PARP10: variants seen among roughly 807,000 people sequenced by gnomAD.
The protein encoded by PARP10 is protein mono-ADP-ribosyltransferase PARP10.
PARP10 carries 56 observed loss-of-function variants against 82.4 expected under a neutral mutation model. The observed-to-expected ratio is 0.68, with a 90% confidence interval of 0.55 to 0.85. PARP10 has a LOEUF of 0.85. Among genes scored for constraint, PARP10 ranks in the 40% least tolerant of loss-of-function variants. The pLI is 0.00. For missense variants in PARP10, 1,227 were observed against 1,379.4 expected, an observed-to-expected ratio of 0.89 and a Z score of 1.75; for synonymous variants, 576 against 601.1, an observed-to-expected ratio of 0.96 and a Z score of 0.61.
chr8:143,990,398 G>A (rs1341325773), upstream of PARP10: 1 of 151,550 alleles, frequency 6.6e-6, no homozygotes. The surrounding 1 kb of genome is among the most constrained non-coding windows in gnomAD (Gnocchi z 5.6). Flanking sequence ...CGGCGGCCTG[G>A]AGCCGGAGGG....
chr8:144,001,789 A>G (rs1403548260), intron 1 of PARP10, among the ~76,000 whole-genome samples: 5 of 152,048 alleles, frequency 3.3e-5, no homozygotes, highest in African/African-American at 1.2e-4. Flanking sequence ...TGTAATTCCA[A>G]CAGTTTGTCA....
At position 143,985,661 on chromosome 8, in the gene PARP10, T is replaced by C. The variant is rs782672039; in HGVS notation, c.437-13A>G. The C allele has an allele frequency of 7.5e-6, 12 of 1,609,868 alleles. No homozygotes were observed. Among genetic ancestry groups the C allele is most frequent in the African/African-American group, 2.7e-5 (2 of 74,752 alleles). ...AGGACACGGACATCTGTGGGGTATGTGCAGGTCAGCTCAGGGAATCCCCCC... is the reference window on the plus strand; with the variant it reads ...AGGACACGGACATCTGTGGGGTATGCGCAGGTCAGCTCAGGGAATCCCCCC... On this transcript the variant is annotated splice_polypyrimidine_tract_variant and intron_variant, in intron 3 of 10. Transcript: ENST00000313028.
rs1564244662 is a variant in PARP10, at chr8:143,977,488, GTGTC to G, written c.3070_3073del (p.Asp1024LeufsTer21). On this transcript the variant is annotated frameshift_variant, in exon 11 of 11. Coordinates refer to ENST00000313028, the MANE Select transcript of PARP10 (RefSeq NM_032789.5). LOFTEE classifies it high-confidence loss of function. ...GCCAGAGGGTGGCCCCTTCGGTTAAGTGTCTGGGGAGCGGCCCGGGAGCCCAGAG... is the reference window on the plus strand; with the variant it reads ...GCCAGAGGGTGGCCCCTTCGGTTAAGTGGGGAGCGGCCCGGGAGCCCAGAG... 3 of 1,546,792 alleles carry G rather than the reference GTGTC, an allele frequency of 1.9e-6. No individual in the cohort carries two copies. The highest frequency in any genetic ancestry group is 4.9e-5 in the East Asian group (2 of 41,098).
At position 143,997,423 on chromosome 8, in the gene PARP10, A is replaced by C. The variant is rs1834171401; in HGVS notation, c.-79-10985T>G. On this transcript the variant is annotated intron_variant, in intron 1 of 3. Transcript: ENST00000530478. ...TGGGAGGACTCGAGTACCAAGCTCA[A>C]AATCTTCCTCTCTAACCCAAATGCT... Among the ~76,000 whole-genome samples, 16 of 152,094 alleles carry C rather than the reference A, an allele frequency of 1.1e-4. 1 individual carries two copies. The highest frequency in any genetic ancestry group is 1.0e-3 in the Admixed American group (16 of 15,260).
chr8:144,005,791 G>A (rs1051145451), intron 1 of PARP10, among the ~76,000 whole-genome samples: 1 of 151,922 alleles, frequency 6.6e-6, no homozygotes, highest in Non-Finnish European at 1.5e-5. Context: ...TTTCTTTCAG[G>A]TCTGCTCCCA....
At chr8:143,994,763 G>T (rs78799994), upstream of PARP10, among the ~76,000 whole-genome samples, 26,399 of 151,988 alleles carry the variant, frequency 0.17, 2,468 homozygotes, top group South Asian at 0.22. Context: ...GGGCCACACG[G>T]CTCCCCCTTC....
At position 143,984,039 on chromosome 8, in the gene PARP10, A is replaced by G; in HGVS notation, c.1746T>C (p.Ser582=). 3 of 1,534,300 alleles carry G rather than the reference A, an allele frequency of 2.0e-6. No homozygotes were observed. Among genetic ancestry groups the G allele is most frequent in the Non-Finnish European group, 2.6e-6 (3 of 1,142,090 alleles). The change falls in exon 7 of 11, where the codon AGT becomes AGC. Residue 582 remains serine (S), a synonymous_variant. Transcript: ENST00000313028. ...TCACGTCCTCCTGGTCACCACCTGT[A>G]CTGTCTGGGGTCCACAGGGTGTGGG... ...GNAHTLWTPD[S]TGGDQEDVSL... is the part of the protein sequence containing the mutation.
rs920796652 is a variant in PARP10, at chr8:143,977,200, A to G, written c.*284T>C. 15 of 465,566 alleles carry G rather than the reference A, an allele frequency of 3.2e-5. No homozygotes were observed. Among genetic ancestry groups the G allele is most frequent in the African/African-American group, 6.2e-5 (3 of 48,360 alleles). The allele number at this position is 465,566 out of a possible 1,614,324, so 28.8% of individuals were successfully genotyped here. ...CCTGGGTTCACGTTCACGTTTATTC[A>G]AACAACAGAGCCGACTCGGGCGAGG... On this transcript the variant is annotated 3_prime_UTR_variant, in exon 11 of 11. Coordinates refer to ENST00000313028, the MANE Select transcript of PARP10 (RefSeq NM_032789.5).
chr8:143,978,209 G>GC (rs1248370890), intron 9 of PARP10, 128 bp from the exon 10 acceptor site: 17 of 1,067,386 alleles, frequency 1.6e-5, no homozygotes, highest in African/African-American at 3.3e-5. Flanking sequence ...AGCCCTTGCA[G>GC]CCCCCATCAT....
At chr8:144,002,012 G>A (rs1449435803) in intron 1 of PARP10, among the ~76,000 whole-genome samples, 2 of 151,866 alleles carry the variant, frequency 1.3e-5, no homozygotes, top group Admixed American at 6.6e-5. Flanking sequence ...ACAATAAAGT[G>A]CCTGGGATTT....
At chr8:143,979,949 T>G (rs1411213909) in intron 9 of PARP10, among the ~76,000 whole-genome samples, 4 of 144,298 alleles carry the variant, frequency 2.8e-5, no homozygotes, top group African/African-American at 1.1e-4. Context: ...GAGGCGGAGC[T>G]TGCAGTGAGC....
At chr8:143,991,218 G>A (rs782584550), upstream of PARP10, 12 of 1,567,716 alleles carry the variant, frequency 7.7e-6, no homozygotes, top group East Asian at 2.4e-5. Context: ...CGCGGAACCC[G>A]AGGCCATGTC....
chr8:143,984,120 G>A lies in PARP10; in HGVS notation c.1681-16C>T, dbSNP rs1434712249. On this transcript the variant is annotated splice_polypyrimidine_tract_variant and intron_variant, in intron 6 of 10. Coordinates refer to ENST00000313028, the MANE Select transcript of PARP10 (RefSeq NM_032789.5). The stretch of plus-strand genomic sequence containing the variant: ...TAGGGTCCACCTGTAGGGAGAGGAT[G>A]TCAGGACCACTAGCCTCTGGGCAAG... The A allele has an allele frequency of 2.6e-6, 4 of 1,560,870 alleles. No homozygotes were observed. The highest frequency in any genetic ancestry group is 3.5e-4 in the Middle Eastern group (2 of 5,760).
chr8:143,991,545 C>A, upstream of PARP10: 1 of 1,559,702 alleles, frequency 6.4e-7, no homozygotes, highest in East Asian at 2.2e-5. Flanking sequence ...TCCCCAGAGC[C>A]CCTTCCCCCC....
chr8:143,999,004 C>CTTCCTTCCTTCT (rs1834181330), intron 1 of PARP10, among the ~76,000 whole-genome samples: 1 of 146,122 alleles, frequency 6.8e-6, no homozygotes, highest in South Asian at 2.2e-4. Context: ...TCCTTCCTTC[C>CTTCCTTCCTTCT]TTCCTTCCTT....
upstream of PARP10, among the ~76,000 whole-genome samples, chr8:143,994,744 G>A (rs782506852): frequency 6.6e-6 from 1 of 152,126 alleles, no homozygotes; most frequent in Non-Finnish European, 1.5e-5. Flanking sequence ...CACATGCTGA[G>A]CAGCGAGTGG....
rs1554748086 is a variant in PARP10 at position 143,983,037 on chromosome 8, C to A, written c.2451G>T (p.Trp817Cys). Residue 817 changes from tryptophan to cysteine, a missense_variant, in exon 9 of 11, where the codon TGG (tryptophan) becomes TGT (cysteine). Trp to Cys is a radical substitution (Grantham distance 215, BLOSUM62 -2). Coordinates refer to ENST00000313028, the MANE Select transcript of PARP10 (RefSeq NM_032789.5). ...TCTCTGCCAGACGCTCCAGGTTGTT[C>A]CAGGGCCCCTTCAGCGTCTGCCCCG... Reference protein sequence around the residue: ...TLAGQTLKGPWNNLERLAENT... With the variant: ...TLAGQTLKGPCNNLERLAENT... The A allele has an allele frequency of 6.2e-7, 1 of 1,613,780 alleles. No individual in the cohort carries two copies. Among genetic ancestry groups the A allele is most frequent in the Admixed American group, 1.7e-5 (1 of 60,006 alleles).
intron 5 of PARP10, 43 bp from the exon 6 acceptor site, chr8:143,984,474 C>T (rs782623628): frequency 3.3e-5 from 52 of 1,593,554 alleles, no homozygotes; most frequent in Non-Finnish European, 4.3e-5. Context: ...GTTTAGAGCA[C>T]AGGAAAGGTA....
At chr8:143,982,144 C>G (rs1833878100) in intron 9 of PARP10, among the ~76,000 whole-genome samples, 1 of 152,092 alleles carries the variant, frequency 6.6e-6, no homozygotes, top group African/African-American at 2.4e-5. Flanking sequence ...CTGCTGGCCC[C>G]ACGCACAACT....
Sources: allele counts gnomAD v4.1 joint callset (sites outside exome capture counted in the v4.1 genomes callset), GRCh38; gene constraint gnomAD v4.1.1; non-coding constraint Gnocchi (gnomAD v3.1); transcripts MANE v1.5; gene names NCBI Gene and HGNC (gene_info 2026-07-23, HGNC 2026-07-21).